The following ARHGAP18 variants were observed in gnomAD, a reference collection of about 807,000 sequenced individuals.
The protein encoded by ARHGAP18 is Rho GTPase activating protein 18.
In ARHGAP18, 67 loss-of-function variants were observed where a neutral mutation model predicts 86.2. That is an observed-to-expected ratio of 0.78 (90% CI 0.64 to 0.95). The LOEUF is 0.95. Ranked by LOEUF, ARHGAP18 falls within the 40% of genes least tolerant of loss-of-function variation. The pLI is 0.00. For synonymous variants in ARHGAP18, 283 were observed against 280.4 expected (o/e 1.01, Z -0.09); for missense variants, 691 against 780.4 (o/e 0.89, Z 1.37).
intron 13 of ARHGAP18, among the ~76,000 whole-genome samples, chr6:129,582,428 G>A (rs774399338): frequency 6.6e-6 from 1 of 152,148 alleles, no homozygotes; most frequent in African/African-American, 2.4e-5. Flanking sequence ...ACTGTGTCTG[G>A]CTGGAAAGAG....
intron 4 of ARHGAP18, 37 bp downstream of exon 4, chr6:129,634,005 G>A (rs561974433): frequency 5.5e-5 from 82 of 1,497,730 alleles, no homozygotes; most frequent in South Asian, 3.3e-4. Context: ...ATTAAAGGGC[G>A]GAAAAAAAAA....
At chr6:129,600,037 T>C (rs1041603798) in intron 11 of ARHGAP18, among the ~76,000 whole-genome samples, 3 of 152,260 alleles carry the variant, frequency 2.0e-5, no homozygotes, top group East Asian at 3.9e-4. Flanking sequence ...CTAAATATCA[T>C]CACTCTGTCT....
intron 1 of ARHGAP18, among the ~76,000 whole-genome samples, chr6:129,655,371 G>A (rs941904073): frequency 2.0e-5 from 3 of 147,328 alleles, no homozygotes; most frequent in Non-Finnish European, 4.5e-5. Flanking sequence ...AGAAAACAGA[G>A]CCTGTAGAGA....
At chr6:129,603,379 T>C (rs1788788977) in intron 10 of ARHGAP18, among the ~76,000 whole-genome samples, 1 of 152,168 alleles carries the variant, frequency 6.6e-6, no homozygotes, top group African/African-American at 2.4e-5. Context: ...TGTGTGTGTG[T>C]CTGTGTGTAT....
chr6:129,710,153 T>C lies in ARHGAP18; in HGVS notation c.-17A>G, dbSNP rs1774885912. 4 of 1,587,474 alleles carry C rather than the reference T, an allele frequency of 2.5e-6. No individual in the cohort carries two copies. Among genetic ancestry groups the C allele is most frequent in the Admixed American group, 1.7e-5 (1 of 59,744 alleles). On this transcript the variant is annotated 5_prime_UTR_variant, in exon 1 of 15. The change abolishes an upstream ATG in the 5' untranslated region. Transcript: ENST00000368149. ...CCAGCTCATGGTGAGAGAAGGGACA[T>C]ACTTTCTGCGATCCTGACACAGAGA...
At chr6:129,600,547 A>G in intron 11 of ARHGAP18, 95 bp downstream of exon 11, 1 of 995,196 alleles carries the variant, frequency 1.0e-6, no homozygotes, top group African/African-American at 1.6e-5. Context: ...TATTTTCTGC[A>G]CTCACAAATT....
At chr6:129,654,529 A>G (rs780970000) in intron 1 of ARHGAP18, among the ~76,000 whole-genome samples, 3 of 152,216 alleles carry the variant, frequency 2.0e-5, no homozygotes, top group Non-Finnish European at 4.4e-5. Context: ...CCACTTAACC[A>G]AAAGCAATAT....
At chr6:129,601,319 G>A (rs1157981287) in intron 10 of ARHGAP18, among the ~76,000 whole-genome samples, 2 of 152,088 alleles carry the variant, frequency 1.3e-5, no homozygotes, top group Non-Finnish European at 2.9e-5. Flanking sequence ...TATAAAGAAT[G>A]AGCCAGGCAC....
At chr6:129,580,503 A>C (rs930501004) in intron 13 of ARHGAP18, among the ~76,000 whole-genome samples, 2 of 152,342 alleles carry the variant, frequency 1.3e-5, no homozygotes, top group South Asian at 4.1e-4. Context: ...TTTCCACTTT[A>C]GTTTTCACAT....
rs1479794751 is a variant in ARHGAP18, at chr6:129,577,007, CAA to C, written c.*1504_*1505del. 2 of 149,334 alleles carry C rather than the reference CAA, an allele frequency of 1.3e-5. No homozygotes were observed. The highest frequency in any genetic ancestry group is 2.2e-4 in the South Asian group (1 of 4,592). 9.3% of individuals were successfully genotyped at this position (149,334 alleles called of 1,614,324 possible). A position where few individuals can be genotyped will look rare whatever the true frequency, so the allele number is the denominator to read the frequency against. On this transcript the variant is annotated 3_prime_UTR_variant, in exon 15 of 15. Coordinates refer to ENST00000368149, the MANE Select transcript of ARHGAP18 (RefSeq NM_033515.3). ...AGAAAATAGAGGTGACTTTTAATAA[CAA>C]AAAAGTCCATTTCTCAATATTAATA...
At chr6:129,700,915 A>G (rs945990713) in intron 1 of ARHGAP18, among the ~76,000 whole-genome samples, 2 of 151,868 alleles carry the variant, frequency 1.3e-5, no homozygotes, top group African/African-American at 4.8e-5. Context: ...ACTTACACTC[A>G]TTCATTCATT....
intron 1 of ARHGAP18, among the ~76,000 whole-genome samples, chr6:129,648,627 G>A (rs1773633429): frequency 6.6e-6 from 1 of 151,480 alleles, no homozygotes; most frequent in South Asian, 2.1e-4. Flanking sequence ...AAAAAATTGT[G>A]TCATGCTGGG....
At chr6:129,647,563 C>T (rs1298444963) in intron 1 of ARHGAP18, among the ~76,000 whole-genome samples, 1 of 151,870 alleles carries the variant, frequency 6.6e-6, no homozygotes, top group Non-Finnish European at 1.5e-5. Context: ...GTTCCCTATC[C>T]CACTTTTATT....
At chr6:129,658,055 A>G (rs1474352690) in intron 1 of ARHGAP18, among the ~76,000 whole-genome samples, 3 of 152,212 alleles carry the variant, frequency 2.0e-5, no homozygotes, top group Non-Finnish European at 4.4e-5. Flanking sequence ...ATAGTGTGGG[A>G]AGGAACTACT....
chr6:129,652,798 T>G (rs1033891722), intron 1 of ARHGAP18, among the ~76,000 whole-genome samples: 1 of 152,216 alleles, frequency 6.6e-6, no homozygotes, highest in Non-Finnish European at 1.5e-5. Context: ...TTGCTATTGA[T>G]TCATAATACC....
chr6:129,580,321 A>G (rs1430424427), intron 13 of ARHGAP18, among the ~76,000 whole-genome samples, 190 bp from the exon 14 acceptor site: 1 of 152,130 alleles, frequency 6.6e-6, no homozygotes, highest in Middle Eastern at 3.2e-3. Flanking sequence ...ACACCTGTAA[A>G]TTAAAATAAA....
At chr6:129,625,155 A>ATTATATAT (rs1460172523) in intron 5 of ARHGAP18, among the ~76,000 whole-genome samples, 81 of 1,050 alleles carry the variant, frequency 0.077, 2 homozygotes, top group Non-Finnish European at 0.12. Context: ...TATATTATAT[A>ATTATATAT]GATATATATT....
chr6:129,667,506 T>TGTG (rs10671675), intron 1 of ARHGAP18, among the ~76,000 whole-genome samples: 3 of 109,410 alleles, frequency 2.7e-5, no homozygotes, highest in African/African-American at 6.8e-5. Flanking sequence ...TGTGTGTGTG[T>TGTG]TGTGTATGTG....
In ARHGAP18 at chr6:129,586,792, C is replaced by T. The variant is rs190015253; in HGVS notation, c.1714-2680G>A. Among the ~76,000 whole-genome samples, 579 of 152,222 alleles carry T rather than the reference C, an allele frequency of 3.8e-3. 2 individuals are homozygous for T. The highest frequency in any genetic ancestry group is 0.01 in the Middle Eastern group (3 of 294). ...TTTCCCCCACTATTTCTTGTAGAAC[C>T]TTCTACTGTTTGGATAAAAAGGCCC... On this transcript the variant is annotated intron_variant, in intron 12 of 14. Coordinates refer to ENST00000368149, the MANE Select transcript of ARHGAP18 (RefSeq NM_033515.3).
Sources: allele counts gnomAD v4.1 joint callset (sites outside exome capture counted in the v4.1 genomes callset), GRCh38; gene constraint gnomAD v4.1.1; transcripts MANE v1.5; gene names NCBI Gene and HGNC (gene_info 2026-07-23, HGNC 2026-07-21).